Variants in THSD7A observed in about 807,000 individuals in gnomAD.
THSD7A encodes the protein thrombospondin type 1 domain containing 7A, also known as thrombospondin type-1 domain-containing protein 7A.
Under a neutral mutation model 231.3 loss-of-function variants are expected in THSD7A, and 96 were observed. The observed-to-expected ratio is 0.41, with a 90% CI of 0.35 to 0.49. THSD7A has a LOEUF of 0.49. THSD7A is among the 20% of genes least tolerant of loss of function. The probability of loss-of-function intolerance (pLI) is 0.05; values close to 1 mark genes in which losing one functional copy is unlikely to be tolerated. For synonymous variants in THSD7A, 940 were observed against 743.3 expected, an observed-to-expected ratio of 1.26 and a Z score of -4.30; for missense variants, 2,290 against 2,070.2, an observed-to-expected ratio of 1.11 and a Z score of -2.06.
At chr7:11,768,349 A>T (rs1288291288) in intron 1 of THSD7A, among the ~76,000 whole-genome samples, 1 of 152,216 alleles carries the variant, frequency 6.6e-6, no homozygotes, top group African/African-American at 2.4e-5. Context: ...AAGAGCTAAC[A>T]TCATAGAGGC....
At chr7:11,458,103 G>C (rs910353917) in intron 11 of THSD7A, among the ~76,000 whole-genome samples, 5 of 152,008 alleles carry the variant, frequency 3.3e-5, no homozygotes, top group Non-Finnish European at 7.4e-5. Flanking sequence ...GATGTGCTAG[G>C]GGGGACAGAG....
At chr7:11,713,550 T>A (rs192071319) in intron 1 of THSD7A, among the ~76,000 whole-genome samples, 2 of 151,340 alleles carry the variant, frequency 1.3e-5, no homozygotes, top group Admixed American at 1.3e-4. Context: ...CAAGGAAATG[T>A]CCTATTCAGA....
Position 11,447,297 on chromosome 7 carries a change from G to A in THSD7A, c.2733C>T (p.Ser911=), listed in dbSNP as rs1489365182. Residue 911 remains serine, a synonymous_variant, in exon 12 of 28, where the codon AGC becomes AGT. Transcript: ENST00000423059. Reference sequence around the variant, plus strand: ...CATTGCATGAAGAAAACTTGGACCAGCTGGTCAATTGACAGTCATCCTGGC... The same window carrying A: ...CATTGCATGAAGAAAACTTGGACCAACTGGTCAATTGACAGTCATCCTGGC... ...IPCQDDCQLT[S]WSKFSSCNGD... 3 of 1,613,122 alleles carry A rather than the reference G, an allele frequency of 1.9e-6. No individual in the cohort carries two copies. In the South Asian group the frequency reaches 3.3e-5, roughly 18 times the overall value.
intron 25 of THSD7A, 147 bp downstream of exon 25, chr7:11,379,483 A>T: frequency 1.1e-6 from 1 of 885,018 alleles, no homozygotes. Context: ...TGAAGTCAGG[A>T]CTTTTTAGAT....
chr7:11,520,574 C>A (rs1788222522), intron 6 of THSD7A, among the ~76,000 whole-genome samples: 1 of 152,090 alleles, frequency 6.6e-6, no homozygotes, highest in African/African-American at 2.4e-5. Context: ...ATGCAAATAT[C>A]AAGTGCTTGA....
intron 2 of THSD7A, among the ~76,000 whole-genome samples, chr7:11,624,636 A>G (rs1173038445): frequency 6.6e-6 from 1 of 152,120 alleles, no homozygotes; most frequent in Non-Finnish European, 1.5e-5. Flanking sequence ...TCCTTCTCTC[A>G]AAAACTTTAG....
At chr7:11,719,965 TTCA>T (rs34482993) in intron 1 of THSD7A, among the ~76,000 whole-genome samples, 40,127 of 151,524 alleles carry the variant, frequency 0.26, 5,330 homozygotes, top group East Asian at 0.31. Flanking sequence ...GAGATTAGAT[TTCA>T]TGCTCAAAGA....
At position 11,372,504 on chromosome 7, in the gene THSD7A, A is replaced by T. The variant is rs544805788; in HGVS notation, c.*3290T>A. On this transcript the variant is annotated 3_prime_UTR_variant, in exon 28 of 28. Transcript: ENST00000423059. The stretch of plus-strand genomic sequence containing the variant: ...GTAGTATCCTCAAAAAAGGCTTTGA[A>T]ATTAAGATTACTGTCCACATATTGG... The T allele has an allele frequency of 2.0e-5, 3 of 152,248 alleles. No individual in the cohort carries two copies. In the South Asian group the frequency reaches 6.2e-4, roughly 32 times the overall value. The allele number at this position is 152,248 out of a possible 1,614,324, so 9.4% of individuals were successfully genotyped here. A position where few individuals can be genotyped will look rare whatever the true frequency, so the allele number is the denominator to read the frequency against.
At chr7:11,748,093 A>T (rs539508831) in intron 1 of THSD7A, among the ~76,000 whole-genome samples, 1 of 152,084 alleles carries the variant, frequency 6.6e-6, no homozygotes, top group South Asian at 2.1e-4. Context: ...TGTATTTTTA[A>T]AGAGCAGCCC....
intron 1 of THSD7A, among the ~76,000 whole-genome samples, chr7:11,729,837 T>C (rs1006522231): frequency 4.6e-5 from 7 of 151,780 alleles, no homozygotes; most frequent in South Asian, 2.1e-4. Flanking sequence ...TGTACACTTA[T>C]GTTTGGAAAC....
At chr7:11,809,743 A>G (rs1305117170) in intron 1 of THSD7A, among the ~76,000 whole-genome samples, 1 of 152,138 alleles carries the variant, frequency 6.6e-6, no homozygotes, top group Admixed American at 6.5e-5. Context: ...GGCCTAACGT[A>G]TATACTAACA....
intron 1 of THSD7A, among the ~76,000 whole-genome samples, chr7:11,744,748 A>G (rs905775583): frequency 2.6e-5 from 4 of 152,034 alleles, no homozygotes; most frequent in African/African-American, 9.7e-5. Context: ...AGCTTCATCC[A>G]TGTCCCTACA....
intron 4 of THSD7A, among the ~76,000 whole-genome samples, chr7:11,589,334 G>A (rs1291298515): frequency 6.6e-6 from 1 of 151,840 alleles, no homozygotes; most frequent in Non-Finnish European, 1.5e-5. Flanking sequence ...CTTGGTTTTT[G>A]CTTTTCTTTA....
chr7:11,457,434 T>C (rs1164958541), intron 11 of THSD7A, among the ~76,000 whole-genome samples: 2 of 152,090 alleles, frequency 1.3e-5, no homozygotes, highest in Non-Finnish European at 2.9e-5. Flanking sequence ...TGCTACTAAG[T>C]CCCCAAAATA....
chr7:11,647,176 C>T (rs1246453017), intron 1 of THSD7A, among the ~76,000 whole-genome samples: 1 of 151,998 alleles, frequency 6.6e-6, no homozygotes. Flanking sequence ...CCATTAAATC[C>T]AATGAATCAC....
intron 1 of THSD7A, among the ~76,000 whole-genome samples, chr7:11,723,976 G>C (rs1781453808): frequency 6.6e-6 from 1 of 151,808 alleles, no homozygotes; most frequent in African/African-American, 2.4e-5. Context: ...AGACCCAAAA[G>C]CAGTAAGGAT....
At chr7:11,531,245 T>C (rs10242826) in intron 6 of THSD7A, among the ~76,000 whole-genome samples, 57,032 of 151,986 alleles carry the variant, frequency 0.38, 11,025 homozygotes, top group Non-Finnish European at 0.41. Context: ...CTGTCATCTC[T>C]CATTGGAATT....
chr7:11,649,471 T>C (rs1334347804), intron 1 of THSD7A, among the ~76,000 whole-genome samples: 1 of 152,024 alleles, frequency 6.6e-6, no homozygotes, highest in African/African-American at 2.4e-5. Flanking sequence ...CAGATTATGG[T>C]GGCTGGAATA....
intron 2 of THSD7A, among the ~76,000 whole-genome samples, chr7:11,601,951 G>A (rs1469624907): frequency 6.6e-6 from 1 of 152,096 alleles, no homozygotes; most frequent in Non-Finnish European, 1.5e-5. Context: ...TAAAAGCAAG[G>A]CCCATTTTCT....
Sources: gnomAD v4.1 joint callset for allele counts (sites outside exome capture counted in the v4.1 genomes callset) on GRCh38, gnomAD v4.1.1 for gene constraint, MANE v1.5 for transcripts, NCBI Gene and HGNC (gene_info 2026-07-23, HGNC 2026-07-21) for gene names.